The following TDRD15 variants were observed in gnomAD, a reference collection of about 807,000 sequenced individuals.
The protein encoded by TDRD15 is tudor domain-containing protein 15.
For synonymous variants in TDRD15, 503 were observed against 314.5 expected (o/e 1.60, Z -6.34); for missense variants, 1,416 against 904.7 (o/e 1.57, Z -7.25).
chr2:21,145,825 G>C (rs187546682), downstream of TDRD15, among the ~76,000 whole-genome samples: 1 of 151,886 alleles, frequency 6.6e-6, no homozygotes, highest in Non-Finnish European at 1.5e-5. Flanking sequence ...AGTGATTTTA[G>C]TAGTTCCTCT....
chr2:21,142,654 C>A lies in TDRD15; in HGVS notation c.5187C>A (p.Phe1729Leu), dbSNP rs1475547685. 4 of 712,186 alleles carry A rather than the reference C, an allele frequency of 5.6e-6. No individual in the cohort carries two copies. The highest frequency in any genetic ancestry group is 3.0e-5 in the South Asian group (2 of 66,602). The allele number at this position is 712,186 out of a possible 1,614,324, so 44.1% of individuals were successfully genotyped here. ...TAAAATCATTTACTTGGGTTCAATT[C>A]CAAAATGATAGGCAGTATTCTGGTA... is the stretch of plus-strand genomic sequence containing the variant. ...CTIKSFTWVQ[F>L]QNDRQYSGIA... The change falls in exon 4 of 4, where the codon TTC becomes TTA. Residue 1729 changes from phenylalanine to leucine, a missense_variant. Transcript: ENST00000405799.
rs1224303587 is a variant in TDRD15, at chr2:21,137,971, A to G, written c.504A>G (p.Glu168=). ...AILPLQMFLF[E]VPKIISQALE... is the part of the protein sequence containing the mutation. ...TACCTCTGCAAATGTTTCTTTTTGAAGTGCCAAAAATTATATCTCAGGCTC... is the reference window on the plus strand; with the variant it reads ...TACCTCTGCAAATGTTTCTTTTTGAGGTGCCAAAAATTATATCTCAGGCTC... Residue 168 remains glutamate (E), a synonymous_variant, in exon 4 of 4, where the codon GAA becomes GAG. Coordinates refer to ENST00000405799, the MANE Select transcript of TDRD15 (RefSeq NM_001306137.2). 1 of 716,756 alleles carries G rather than the reference A, an allele frequency of 1.4e-6. No individual in the cohort carries two copies. The highest frequency in any genetic ancestry group is 1.7e-5 in the African/African-American group (1 of 57,178). 44.4% of individuals were successfully genotyped at this position (716,756 alleles called of 1,614,324 possible).
downstream of TDRD15, among the ~76,000 whole-genome samples, chr2:21,145,579 G>A (rs312968): frequency 0.32 from 48,627 of 151,702 alleles, 9,413 homozygotes; most frequent in East Asian, 0.61. Flanking sequence ...ACTTCAGAAC[G>A]TAAATTTGAA....
chr2:21,131,374 G>C (rs1222296309), intron 2 of TDRD15, among the ~76,000 whole-genome samples: 5 of 152,160 alleles, frequency 3.3e-5, no homozygotes, highest in Admixed American at 3.3e-4. Context: ...TACAAGATAG[G>C]TAGGCCAGTG....
At chr2:21,126,793 A>G (rs934472390) in intron 1 of TDRD15, among the ~76,000 whole-genome samples, 2 of 152,200 alleles carry the variant, frequency 1.3e-5, no homozygotes, top group Admixed American at 6.5e-5. Flanking sequence ...AAGTTTTTGT[A>G]TGGACATATA....
rs1297593169 is a variant in TDRD15 at position 21,139,224 on chromosome 2, T to A, written c.1757T>A (p.Phe586Tyr). Residue 586 changes from phenylalanine to tyrosine, a missense_variant, in exon 4 of 4, where the codon TTT (phenylalanine) becomes TAT (tyrosine). Transcript: ENST00000405799. The stretch of plus-strand genomic sequence containing the variant: ...GATGTAAAAATTTTGCTTCCAGAAT[T>A]TTGTGAGTTGCCTGCCTTAGCGATG... ...FFDVKILLPE[F>Y]CELPALAMCC... 1.4e-6 allele frequency: 1 copy of A among 715,646 alleles called. No homozygotes were observed. The allele number at this position is 715,646 out of a possible 1,614,324, so 44.3% of individuals were successfully genotyped here. A position where few individuals can be genotyped will look rare whatever the true frequency, so the allele number is the denominator to read the frequency against.
downstream of TDRD15, among the ~76,000 whole-genome samples, chr2:21,146,651 T>G (rs1666035688): frequency 6.6e-6 from 1 of 152,082 alleles, no homozygotes; most frequent in South Asian, 2.1e-4. Flanking sequence ...AATGGTAATA[T>G]GTGCCTATTC....
rs185708547 is a variant in TDRD15 at position 21,124,716 on chromosome 2, A to C, written c.-201+670A>C. Among the ~76,000 whole-genome samples, 41 of 132,338 alleles carry C rather than the reference A, an allele frequency of 3.1e-4. No homozygotes were observed. The East Asian group carries it at 9.4e-3, about 30-fold the overall frequency. The allele number at this position is 132,338 out of a possible 152,430, so 86.8% of individuals were successfully genotyped here. On this transcript the variant is annotated intron_variant, in intron 1 of 3. Transcript: ENST00000405799. ...GGGTGCGTGTGTGTGTGTGTGACAG[A>C]GTGATCCTAATGCCAGGGTGTGTGT...
chr2:21,141,885 C>A lies in TDRD15; in HGVS notation c.4418C>A (p.Ser1473Ter). 1.4e-6 allele frequency: 1 copy of A among 715,280 alleles called. No homozygotes were observed. Among genetic ancestry groups the A allele is most frequent in the South Asian group, 1.5e-5 (1 of 67,478 alleles). The allele number at this position is 715,280 out of a possible 1,614,324, so 44.3% of individuals were successfully genotyped here. ...GAACTACTGAAATGGAAAGCATGTT[C>A]AAAACTGCAGAAGTCAGCATTGCAG... ...INELLKWKAC[S>*]KLQKSALQMP... Residue 1473 changes from serine (S) to a stop codon, truncating the protein, a stop_gained, in exon 4 of 4, where the codon TCA (serine) becomes TAA (stop). Coordinates refer to ENST00000405799, the MANE Select transcript of TDRD15 (RefSeq NM_001306137.2). LOFTEE classifies it low-confidence loss of function (END_TRUNC).
At chr2:21,137,294 TTTTG>T (rs1050111386) in intron 3 of TDRD15, among the ~76,000 whole-genome samples, 167 bp from the exon 4 acceptor site, 2 of 152,040 alleles carry the variant, frequency 1.3e-5, no homozygotes, top group African/African-American at 2.4e-5. Context: ...GAATGTTAGA[TTTTG>T]TTTATTTCAC....
intron 2 of TDRD15, among the ~76,000 whole-genome samples, chr2:21,128,743 A>G (rs1203696445): frequency 6.7e-6 from 1 of 150,004 alleles, no homozygotes; most frequent in Non-Finnish European, 1.5e-5. Flanking sequence ...AATATTTCAA[A>G]TGTTTTTCTA....
chr2:21,130,614 AT>A (rs995995344), intron 2 of TDRD15, among the ~76,000 whole-genome samples: 18 of 150,414 alleles, frequency 1.2e-4, no homozygotes, highest in Admixed American at 3.3e-4. Context: ...GTGGGTATCC[AT>A]TTTTTTTTCA....
Position 21,138,231 on chromosome 2 carries a change from A to G in TDRD15, c.764A>G (p.Lys255Arg). Residue 255 changes from lysine (K) to arginine (R), a missense_variant, in exon 4 of 4, where the codon AAA becomes AGA. Transcript: ENST00000405799. ...GTATCATCTGCATTGAGCCCAAGTAAATTTTATTGTCAGTTAATTAAATGG... is the reference window on the plus strand; with the variant it reads ...GTATCATCTGCATTGAGCCCAAGTAGATTTTATTGTCAGTTAATTAAATGG... Reference protein sequence around the residue: ...VKVSSALSPSKFYCQLIKWTP... With the variant: ...VKVSSALSPSRFYCQLIKWTP... 1.4e-6 allele frequency: 1 copy of G among 716,078 alleles called. No homozygotes were observed. Among genetic ancestry groups the G allele is most frequent in the East Asian group, 2.7e-5 (1 of 37,272 alleles). 44.4% of individuals were successfully genotyped at this position (716,078 alleles called of 1,614,324 possible).
Position 21,143,403 on chromosome 2 carries a change from C to A in TDRD15, c.*131C>A. 2.2e-6 allele frequency: 1 copy of A among 452,536 alleles called. No individual in the cohort carries two copies. The highest frequency in any genetic ancestry group is 5.2e-5 in the South Asian group (1 of 19,106). The allele number at this position is 452,536 out of a possible 1,614,324, so 28.0% of individuals were successfully genotyped here. Reference sequence around the variant, plus strand: ...AGAGGAAAGATGTCTGTAAGAACCTCTTAAGGAAAATTCGTATTAGTAAAA... The same window carrying A: ...AGAGGAAAGATGTCTGTAAGAACCTATTAAGGAAAATTCGTATTAGTAAAA... On this transcript the variant is annotated 3_prime_UTR_variant, in exon 4 of 4. Coordinates refer to ENST00000405799, the MANE Select transcript of TDRD15 (RefSeq NM_001306137.2).
chr2:21,132,815 C>T (rs933613413), intron 2 of TDRD15, among the ~76,000 whole-genome samples: 8 of 151,494 alleles, frequency 5.3e-5, no homozygotes, highest in Admixed American at 1.3e-4. Flanking sequence ...TTTTATCTAC[C>T]TGGTATTTAT....
At position 21,143,721 on chromosome 2, in the gene TDRD15, A is replaced by T. The variant is rs1665984706; in HGVS notation, c.*449A>T. On this transcript the variant is annotated 3_prime_UTR_variant, in exon 4 of 4. Transcript: ENST00000405799. The stretch of plus-strand genomic sequence containing the variant: ...TTATAAAGTAGATTATTTTCTGTAG[A>T]TTCTTTTTATTTGATTCTTTAAAAG... Among the ~76,000 whole-genome samples the T allele has an allele frequency of 6.6e-6, 1 of 151,784 alleles. No individual in the cohort carries two copies. The highest frequency in any genetic ancestry group is 2.1e-4 in the South Asian group (1 of 4,828).
chr2:21,137,370 A>G (rs1665827485), intron 3 of TDRD15, 95 bp from the exon 4 acceptor site: 1 of 515,554 alleles, frequency 1.9e-6, no homozygotes, highest in Admixed American at 3.7e-5. Context: ...AAATACAGGC[A>G]TATAATTATT....
At position 21,140,999 on chromosome 2, in the gene TDRD15, C is replaced by T. The variant is rs189460584; in HGVS notation, c.3532C>T (p.Arg1178Cys). 1.7e-5 allele frequency: 12 copies of T among 713,246 alleles called. No individual in the cohort carries two copies. Among genetic ancestry groups the T allele is most frequent in the African/African-American group, 5.3e-5 (3 of 57,036 alleles). The allele number at this position is 713,246 out of a possible 1,614,324, so 44.2% of individuals were successfully genotyped here. ...SLKGKTGNNY[R>C]HNVINKPSPV... is the part of the protein sequence containing the mutation. ...GAAAGGCAAAACAGGAAACAACTATCGCCATAATGTGATAAATAAACCTAG... is the reference window on the plus strand; with the variant it reads ...GAAAGGCAAAACAGGAAACAACTATTGCCATAATGTGATAAATAAACCTAG... Residue 1178 changes from arginine to cysteine, a missense_variant, in exon 4 of 4, where the codon CGC becomes TGC. Physicochemically the swap from Arg to Cys is radical, Grantham distance 180. Coordinates refer to ENST00000405799, the MANE Select transcript of TDRD15 (RefSeq NM_001306137.2).
In TDRD15 at chr2:21,142,208, T is replaced by C; in HGVS notation, c.4741T>C (p.Cys1581Arg). ...SMESIEKGLE[C>R]LAKSKNTLKW... ...GGAAAGTATTGAAAAAGGTTTAGAA[T>C]GCTTGGCAAAATCTAAAAATACCTT... The change falls in exon 4 of 4, where the codon TGC becomes CGC. Residue 1581 changes from cysteine (C) to arginine (R), a missense_variant. Coordinates refer to ENST00000405799, the MANE Select transcript of TDRD15 (RefSeq NM_001306137.2). The C allele has an allele frequency of 1.4e-6, 1 of 691,622 alleles. No homozygotes were observed. The highest frequency in any genetic ancestry group is 2.6e-6 in the Non-Finnish European group (1 of 377,898). 42.8% of individuals were successfully genotyped at this position (691,622 alleles called of 1,614,324 possible).
Sources: gnomAD v4.1 joint callset for allele counts (sites outside exome capture counted in the v4.1 genomes callset) on GRCh38, gnomAD v4.1.1 for gene constraint, MANE v1.5 for transcripts, NCBI Gene and HGNC (gene_info 2026-07-23, HGNC 2026-07-21) for gene names.